The following MIER3 variants were observed in gnomAD, a reference collection of about 807,000 sequenced individuals.
MIER3 encodes the protein MIER family member 3.
MIER3 carries 9 observed loss-of-function variants against 63.2 expected under a neutral mutation model. The observed-to-expected ratio is 0.14, with a 90% confidence interval of 0.09 to 0.25. MIER3 has a LOEUF of 0.25. Ranked by LOEUF, MIER3 falls within the 10% of genes least tolerant of loss-of-function variation. The pLI, the probability that MIER3 is intolerant of heterozygous loss-of-function variation, is 1.00. For missense variants in MIER3, 512 were observed against 666.2 expected (o/e 0.77, Z 2.55); for synonymous variants, 205 against 224.9 (o/e 0.91, Z 0.79).
intron 3 of MIER3, among the ~76,000 whole-genome samples, chr5:56,946,026 GAAC>G (rs757193002): frequency 6.6e-6 from 1 of 152,066 alleles, no homozygotes; most frequent in South Asian, 2.1e-4. Flanking sequence ...CTACAGATAA[GAAC>G]AACAGATCAG....
chr5:56,937,495 A>G (rs1311943401), intron 5 of MIER3, 83 bp downstream of exon 5: 20 of 1,288,392 alleles, frequency 1.6e-5, no homozygotes, highest in Non-Finnish European at 2.1e-5. Flanking sequence ...GAATATTCTG[A>G]CACAAATTAC....
intron 3 of MIER3, among the ~76,000 whole-genome samples, chr5:56,939,298 CTTT>C (rs563792813): frequency 1.3e-5 from 2 of 150,774 alleles, no homozygotes; most frequent in Non-Finnish European, 3.0e-5. Flanking sequence ...GCTTTAGTGC[CTTT>C]TTTTTTGCTT....
At chr5:56,947,230 T>G (rs1470504569) in intron 2 of MIER3, 159 bp from the exon 3 acceptor site, 2 of 689,772 alleles carry the variant, frequency 2.9e-6, no homozygotes, top group African/African-American at 1.9e-5. Flanking sequence ...TAAGACCCCA[T>G]GATTCTGAAA....
chr5:56,925,300 G>T (rs1203896618), intron 10 of MIER3: 2 of 453,208 alleles, frequency 4.4e-6, no homozygotes, highest in South Asian at 3.1e-5. Context: ...ATACAGATTG[G>T]GAAGGAAGAA....
intron 3 of MIER3, chr5:56,941,049 C>G: frequency 1.0e-6 from 1 of 985,292 alleles, no homozygotes; most frequent in East Asian, 1.1e-4. Flanking sequence ...GTTCTAAGTG[C>G]TTGGCTGAGG....
rs1165304474 is a variant in MIER3, at chr5:56,921,315, C to A, written c.*1813G>T. The A allele has an allele frequency of 1.3e-5, 2 of 152,296 alleles. No individual in the cohort carries two copies. Among genetic ancestry groups the A allele is most frequent in the African/African-American group, 4.8e-5 (2 of 41,394 alleles). The allele number at this position is 152,296 out of a possible 1,614,324, so 9.4% of individuals were successfully genotyped here. On this transcript the variant is annotated 3_prime_UTR_variant, in exon 13 of 13. Coordinates refer to ENST00000381199, the MANE Select transcript of MIER3 (RefSeq NM_001297599.2). ...AAGAAATAAGGTTCAAAGTTTAGCACAACAACACAGCAATAAGAAGCTGAC... is the reference window on the plus strand; with the variant it reads ...AAGAAATAAGGTTCAAAGTTTAGCAAAACAACACAGCAATAAGAAGCTGAC...
chr5:56,933,540 T>C, intron 7 of MIER3, 142 bp from the exon 8 acceptor site: 1 of 729,216 alleles, frequency 1.4e-6, no homozygotes, highest in Non-Finnish European at 2.1e-6. Flanking sequence ...GATTATCCGT[T>C]AAGTAGGGCC....
At chr5:56,928,655 C>A in intron 10 of MIER3, 112 bp downstream of exon 10, 1 of 433,204 alleles carries the variant, frequency 2.3e-6, no homozygotes, top group South Asian at 3.2e-5. Flanking sequence ...ATCTGAAATG[C>A]TATAAGGGAA....
At position 56,930,697 on chromosome 5, in the gene MIER3, C is replaced by T. The variant is rs781529963; in HGVS notation, c.796G>A (p.Glu266Lys). The T allele has an allele frequency of 4.3e-6, 7 of 1,613,824 alleles. No individual in the cohort carries two copies. The South Asian group carries it at 4.4e-5, about 10-fold the overall frequency. ...KCNHNIKEAIERYCCNGKASQ... is the reference protein window; with the variant it reads ...KCNHNIKEAIKRYCCNGKASQ... ...GCCTTTCCATTGCAGCAGTATCTTT[C>T]GATTGCTTCCTTTATATTGTGGTTA... is the stretch of plus-strand genomic sequence containing the variant. Residue 266 changes from glutamate (E) to lysine (K), a missense_variant, in exon 9 of 13, where the codon GAA (glutamate) becomes AAA (lysine). Coordinates refer to ENST00000381199, the MANE Select transcript of MIER3 (RefSeq NM_001297599.2).
At chr5:56,930,603 A>C in intron 9 of MIER3, 61 bp downstream of exon 9, 1 of 1,400,228 alleles carries the variant, frequency 7.1e-7, no homozygotes, top group Non-Finnish European at 1.0e-6. Context: ...TACTTTGCTT[A>C]TTCTGATCCC....
chr5:56,952,057 T>A, intron 1 of MIER3, 37 bp downstream of exon 1: 1 of 1,280,210 alleles, frequency 7.8e-7, no homozygotes, highest in Non-Finnish European at 1.0e-6. Flanking sequence ...GGGCGCCCGC[T>A]CCAGCCCGGC....
intron 2 of MIER3, among the ~76,000 whole-genome samples, chr5:56,949,728 T>G (rs1010833830): frequency 1.3e-5 from 2 of 152,174 alleles, no homozygotes; most frequent in African/African-American, 4.8e-5. Context: ...ATTTAGGAGC[T>G]CATCTGTGCT....
At chr5:56,932,574 A>G (rs832531) in intron 8 of MIER3, among the ~76,000 whole-genome samples, 105,517 of 151,938 alleles carry the variant, frequency 0.69, 37,113 homozygotes, top group Non-Finnish European at 0.75. Context: ...CAGTGATAAA[A>G]GCATATGAAA....
In MIER3 at chr5:56,942,983, A is replaced by T. The variant is rs945218244; in HGVS notation, c.180+3943T>A. On this transcript the variant is annotated intron_variant, in intron 3 of 12. Coordinates refer to ENST00000381199, the MANE Select transcript of MIER3 (RefSeq NM_001297599.2). ...TGCAAGACCCCTTCTCTATAAAAAA[A>T]ATTTTTTTTTAAATTAGCCAGGGTG... is the stretch of plus-strand genomic sequence containing the variant. Among the ~76,000 whole-genome samples, 63 of 152,024 alleles carry T rather than the reference A, an allele frequency of 4.1e-4. 1 individual carries two copies. Among genetic ancestry groups the T allele is most frequent in the East Asian group, 1.6e-3 (8 of 5,148 alleles).
At chr5:56,942,905 G>A (rs1041825348) in intron 3 of MIER3, among the ~76,000 whole-genome samples, 1 of 152,156 alleles carries the variant, frequency 6.6e-6, no homozygotes, top group Admixed American at 6.5e-5. Context: ...CAGCACTTTG[G>A]GACGCCAAGG....
chr5:56,927,533 A>G (rs1054376853), intron 10 of MIER3, among the ~76,000 whole-genome samples: 4 of 152,254 alleles, frequency 2.6e-5, no homozygotes, highest in Non-Finnish European at 4.4e-5. Flanking sequence ...GAATTATTCC[A>G]AACTATTCTA....
chr5:56,928,978 C>T, intron 9 of MIER3, 117 bp from the exon 10 acceptor site: 2 of 382,892 alleles, frequency 5.2e-6, no homozygotes. Flanking sequence ...CTCACACACA[C>T]ACACTCTCTC....
At chr5:56,950,723 C>A (rs1750992965) in intron 1 of MIER3, 71 bp from the exon 2 acceptor site, 3 of 1,568,970 alleles carry the variant, frequency 1.9e-6, no homozygotes, top group Admixed American at 3.5e-5. Flanking sequence ...GGCAACAGGG[C>A]GCAGAGGAGG....
intron 10 of MIER3, among the ~76,000 whole-genome samples, chr5:56,926,248 C>T (rs1749975630): frequency 6.7e-6 from 1 of 149,876 alleles, no homozygotes; most frequent in East Asian, 2.1e-4. Flanking sequence ...CTAAGTTGGA[C>T]ATAATTAAAA....
Sources: allele counts gnomAD v4.1 joint callset (sites outside exome capture counted in the v4.1 genomes callset), GRCh38; gene constraint gnomAD v4.1.1; transcripts MANE v1.5; gene names NCBI Gene and HGNC (gene_info 2026-07-23, HGNC 2026-07-21).